Variants in RPS6KA2 observed in about 807,000 individuals in gnomAD.
The protein encoded by RPS6KA2 is ribosomal protein S6 kinase A2.
A neutral mutation model predicts 91.8 loss-of-function variants in RPS6KA2; 42 were observed. The ratio of observed to expected loss-of-function variants is 0.46; its 90% CI spans 0.36 to 0.59. The LOEUF is 0.59. Among genes scored for constraint, RPS6KA2 ranks in the 20% least tolerant of loss-of-function variants. RPS6KA2 has a pLI of 0.00. For missense variants in RPS6KA2, 798 were observed against 978.5 expected, an observed-to-expected ratio of 0.82 and a Z score of 2.46; for synonymous variants, 414 against 393.6, an observed-to-expected ratio of 1.05 and a Z score of -0.61.
At chr6:166,807,864 C>G (rs1230352453) in intron 2 of RPS6KA2, among the ~76,000 whole-genome samples, 1 of 152,128 alleles carries the variant, frequency 6.6e-6, no homozygotes, top group Non-Finnish European at 1.5e-5. Context: ...GCTTCCCAGT[C>G]CCCCTTATCC....
chr6:166,764,005 G>A (rs1778238952), intron 2 of RPS6KA2, among the ~76,000 whole-genome samples: 1 of 152,232 alleles, frequency 6.6e-6, no homozygotes, highest in South Asian at 2.1e-4. Context: ...TTCTGTTAGG[G>A]TTCTTGTTGT....
chr6:166,805,607 C>T (rs1779473887), intron 2 of RPS6KA2, among the ~76,000 whole-genome samples: 1 of 152,150 alleles, frequency 6.6e-6, no homozygotes, highest in African/African-American at 2.4e-5. Context: ...TGATCCTTGA[C>T]ACAGAGACAG....
intron 2 of RPS6KA2, among the ~76,000 whole-genome samples, chr6:166,785,129 G>A (rs1446311980): frequency 6.6e-6 from 1 of 152,228 alleles, no homozygotes; most frequent in Non-Finnish European, 1.5e-5. Context: ...TTTCTTTGGA[G>A]AGCACTGACT....
At position 166,412,656 on chromosome 6, in the gene RPS6KA2, C is replaced by G; in HGVS notation, c.*106G>C. The G allele has an allele frequency of 8.4e-7, 1 of 1,193,412 alleles. No homozygotes were observed. The highest frequency in any genetic ancestry group is 2.9e-4 in the Middle Eastern group (1 of 3,410). The allele number at this position is 1,193,412 out of a possible 1,614,324, so 73.9% of individuals were successfully genotyped here. ...GACACGGCGAGGGCGGGCGCCGCCT[C>G]CCTGCTGGACTTGTGGTCACTCTGG... On this transcript the variant is annotated 3_prime_UTR_variant, in exon 21 of 21. Coordinates refer to ENST00000265678, the MANE Select transcript of RPS6KA2 (RefSeq NM_021135.6). The surrounding 1 kb of genome is among the most constrained non-coding windows in gnomAD (Gnocchi z 4.3).
chr6:166,505,316 G>T (rs575502582), intron 5 of RPS6KA2, among the ~76,000 whole-genome samples: 44 of 152,214 alleles, frequency 2.9e-4, no homozygotes, highest in African/African-American at 9.6e-4. Context: ...TCCATGTCCC[G>T]GGGGCTCACT....
intron 1 of RPS6KA2, among the ~76,000 whole-genome samples, chr6:166,539,655 A>G (rs958610618): frequency 6.6e-6 from 1 of 152,220 alleles, no homozygotes; most frequent in Non-Finnish European, 1.5e-5. Flanking sequence ...GAAAGAGTCT[A>G]TAAGTGAAAA....
chr6:166,812,961 G>A (rs1779675951), intron 2 of RPS6KA2, among the ~76,000 whole-genome samples: 1 of 152,088 alleles, frequency 6.6e-6, no homozygotes, highest in South Asian at 2.1e-4. Context: ...ACAATTCAGA[G>A]TCAAAAAGGC....
intron 8 of RPS6KA2, among the ~76,000 whole-genome samples, chr6:166,496,263 T>C (rs1781781623): frequency 6.6e-6 from 1 of 151,498 alleles, no homozygotes; most frequent in African/African-American, 2.4e-5. Flanking sequence ...GGCAGGAGAA[T>C]GGCTTGAACC....
At chr6:166,788,267 G>A (rs1401753098) in intron 2 of RPS6KA2, among the ~76,000 whole-genome samples, 2 of 152,172 alleles carry the variant, frequency 1.3e-5, no homozygotes, top group Admixed American at 6.5e-5. Context: ...CCATTGTGGA[G>A]GACAGTGTGG....
chr6:166,488,630 A>G (rs112292617), intron 10 of RPS6KA2, among the ~76,000 whole-genome samples: 98 of 152,366 alleles, frequency 6.4e-4, no homozygotes, highest in African/African-American at 2.0e-3. Context: ...GGCAGCAACT[A>G]TGTGTTTTAG....
intron 3 of RPS6KA2, among the ~76,000 whole-genome samples, chr6:166,514,259 A>C (rs1029494218): frequency 1.3e-5 from 2 of 152,126 alleles, no homozygotes; most frequent in Admixed American, 1.3e-4. Flanking sequence ...GGTGTTTGGA[A>C]TGTGAAGAGG....
intron 2 of RPS6KA2, among the ~76,000 whole-genome samples, chr6:166,805,148 C>A (rs1231630605): frequency 6.6e-6 from 1 of 152,196 alleles, no homozygotes; most frequent in Non-Finnish European, 1.5e-5. Flanking sequence ...ATTATGGTTA[C>A]ATTTGGTCAA....
chr6:166,724,968 T>C (rs1424593349), intron 2 of RPS6KA2, among the ~76,000 whole-genome samples: 1 of 152,222 alleles, frequency 6.6e-6, no homozygotes, highest in African/African-American at 2.4e-5. Flanking sequence ...GTTGAAATGC[T>C]CTCTACTAAC....
chr6:166,647,843 C>T (rs546469515), intron 2 of RPS6KA2, among the ~76,000 whole-genome samples: 7 of 115,458 alleles, frequency 6.1e-5, no homozygotes, highest in East Asian at 5.8e-4. Flanking sequence ...TGCTCACACA[C>T]GCACACGCAC....
intron 2 of RPS6KA2, among the ~76,000 whole-genome samples, chr6:166,771,830 G>A (rs1370749465): frequency 6.6e-6 from 1 of 152,184 alleles, no homozygotes; most frequent in African/African-American, 2.4e-5. Context: ...GCCCTCGGTT[G>A]TCACGAGTGA....
chr6:166,488,785 G>T (rs201101796), intron 10 of RPS6KA2, 48 bp downstream of exon 10: 1 of 1,467,052 alleles, frequency 6.8e-7, no homozygotes, highest in East Asian at 2.3e-5. Context: ...TAGCTTGCGG[G>T]GCAGCGCCCT....
chr6:166,577,292 G>A (rs1260574550), intron 1 of RPS6KA2, among the ~76,000 whole-genome samples: 1 of 152,248 alleles, frequency 6.6e-6, no homozygotes, highest in African/African-American at 2.4e-5. Flanking sequence ...GGAGCTGTGA[G>A]AAGAAGGCCA....
chr6:166,681,357 C>T (rs2128566391), intron 2 of RPS6KA2, among the ~76,000 whole-genome samples: 1 of 152,306 alleles, frequency 6.6e-6, no homozygotes, highest in East Asian at 1.9e-4. Flanking sequence ...AGCCAATGGC[C>T]TAGGATGCAA....
intron 1 of RPS6KA2, among the ~76,000 whole-genome samples, chr6:166,614,372 G>A (rs1156848815): frequency 6.6e-6 from 1 of 152,200 alleles, no homozygotes; most frequent in Non-Finnish European, 1.5e-5. Flanking sequence ...TTCCCAGAAG[G>A]ACACTGGGAC....
Sources: allele counts gnomAD v4.1 joint callset (sites outside exome capture counted in the v4.1 genomes callset), GRCh38; gene constraint gnomAD v4.1.1; non-coding constraint Gnocchi (gnomAD v3.1); transcripts MANE v1.5; gene names NCBI Gene and HGNC (gene_info 2026-07-23, HGNC 2026-07-21).